Variants in PPP2R2C observed in about 807,000 individuals in gnomAD.
PPP2R2C encodes the protein protein phosphatase 2, regulatory subunit B, gamma.
PPP2R2C carries 10 observed loss-of-function variants against 45.3 expected under a neutral mutation model. That is an observed-to-expected ratio of 0.22 (90% CI 0.14 to 0.37). The LOEUF (loss-of-function observed/expected upper bound fraction) is 0.37, where lower values mean the gene tolerates loss of function less well. Ranked by LOEUF, PPP2R2C falls within the 10% of genes least tolerant of loss-of-function variation. The pLI is 1.00. For synonymous variants in PPP2R2C, 257 were observed against 245.4 expected (o/e 1.05, Z -0.44); for missense variants, 308 against 619.7 (o/e 0.50, Z 5.34).
At chr4:6,546,712 G>A (rs1018401163) in intron 1 of PPP2R2C, among the ~76,000 whole-genome samples, 1 of 152,188 alleles carries the variant, frequency 6.6e-6, no homozygotes, top group Admixed American at 6.5e-5. Context: ...CAGAAAACAG[G>A]GCTGAAGCCC....
chr4:6,353,427 C>T (rs1471723720), intron 5 of PPP2R2C, among the ~76,000 whole-genome samples: 7 of 43,424 alleles, frequency 1.6e-4, no homozygotes, highest in African/African-American at 5.0e-4. Context: ...CACCGACAGC[C>T]CCCCCACACC....
At chr4:6,418,893 G>A (rs1718780569) in intron 1 of PPP2R2C, among the ~76,000 whole-genome samples, 1 of 152,150 alleles carries the variant, frequency 6.6e-6, no homozygotes, top group South Asian at 2.1e-4. Flanking sequence ...GGAGTAAAGT[G>A]TGAAGCAGAC....
intron 1 of PPP2R2C, chr4:6,382,908 C>T (rs1715954976): frequency 2.8e-6 from 3 of 1,088,072 alleles, no homozygotes; most frequent in African/African-American, 3.4e-5. Context: ...TCCAGCGGCT[C>T]CCATTGTGTA....
At chr4:6,350,609 CG>C in intron 5 of PPP2R2C, 1 of 985,316 alleles carries the variant, frequency 1.0e-6, no homozygotes, top group Non-Finnish European at 1.2e-6. Flanking sequence ...CAGGAGGACT[CG>C]GTGGGATGAA....
chr4:6,352,813 T>G (rs1712692786), intron 5 of PPP2R2C, among the ~76,000 whole-genome samples: 1 of 147,248 alleles, frequency 6.8e-6, no homozygotes, highest in South Asian at 2.1e-4. Context: ...CCCCAGAGAC[T>G]GTGGAGTGTG....
rs530783148 is a variant in PPP2R2C, at chr4:6,330,776, G to A, written c.961-1423C>T. 6.6e-6 allele frequency among the ~76,000 whole-genome samples: 1 copy of A among 152,304 alleles called. No individual in the cohort carries two copies. Among genetic ancestry groups the A allele is most frequent in the East Asian group, 1.9e-4 (1 of 5,184 alleles). ...ACAGGAAAACAGAGTGGCACTAGGG[G>A]AAGCAGGATTGGGAGGAAGGGCCTG... On this transcript the variant is annotated intron_variant, in intron 7 of 8. Transcript: ENST00000382599. The surrounding 1 kb of genome is among the most constrained non-coding windows in gnomAD (Gnocchi z 7.0).
chr4:6,402,574 C>T (rs910963910), intron 1 of PPP2R2C, among the ~76,000 whole-genome samples: 6 of 152,170 alleles, frequency 3.9e-5, no homozygotes, highest in African/African-American at 9.7e-5. Context: ...TATGGGACCG[C>T]GCTAGGCCAG....
intron 5 of PPP2R2C, among the ~76,000 whole-genome samples, chr4:6,369,003 T>C (rs1384145505): frequency 6.6e-6 from 1 of 152,160 alleles, no homozygotes; most frequent in Non-Finnish European, 1.5e-5. Context: ...ATCCTTCTGA[T>C]GAATGAAGGG....
intron 1 of PPP2R2C, among the ~76,000 whole-genome samples, chr4:6,410,192 G>A (rs544567783): frequency 6.6e-6 from 1 of 152,354 alleles, no homozygotes; most frequent in South Asian, 2.1e-4. Context: ...ATGAAGCAGA[G>A]TGTGAGCTGT....
intron 3 of PPP2R2C, among the ~76,000 whole-genome samples, chr4:6,377,090 C>T (rs182988977): frequency 2.4e-4 from 36 of 152,312 alleles, no homozygotes; most frequent in African/African-American, 6.3e-4. Flanking sequence ...AGGTACAGGG[C>T]GAGGATAGCC....
intron 6 of PPP2R2C, 49 bp downstream of exon 6, chr4:6,347,797 G>GC: frequency 3.3e-6 from 2 of 603,152 alleles, no homozygotes; most frequent in South Asian, 2.9e-5. Flanking sequence ...CATCCCACCC[G>GC]CCCGCCTGCC....
chr4:6,502,611 G>A (rs1723096489), intron 2 of PPP2R2C, among the ~76,000 whole-genome samples: 1 of 151,506 alleles, frequency 6.6e-6, no homozygotes, highest in African/African-American at 2.4e-5. Flanking sequence ...CACCCAACCT[G>A]TGCTAGGTCC....
intron 2 of PPP2R2C, among the ~76,000 whole-genome samples, chr4:6,502,288 A>C (rs1201272973): frequency 6.6e-6 from 1 of 152,174 alleles, no homozygotes; most frequent in Admixed American, 6.5e-5. Flanking sequence ...GGGGCTTTCC[A>C]TATGCCGGGG....
chr4:6,496,802 A>C lies in PPP2R2C; in HGVS notation c.49+38469T>G, dbSNP rs535612666. Reference sequence around the variant, plus strand: ...CTTGAGCCCGGAAGGTGGAGGTTGCAGTGAGCCGAGATTGCGCCACTGCAC... The same window carrying C: ...CTTGAGCCCGGAAGGTGGAGGTTGCCGTGAGCCGAGATTGCGCCACTGCAC... On this transcript the variant is annotated intron_variant, in intron 2 of 9. Transcript: ENST00000506140. 3.5e-4 allele frequency among the ~76,000 whole-genome samples: 53 copies of C among 152,192 alleles called. 1 individual carries two copies. The South Asian group carries it at 0.011, about 32-fold the overall frequency.
intron 1 of PPP2R2C, chr4:6,384,117 A>G: frequency 1.0e-6 from 1 of 985,188 alleles, no homozygotes; most frequent in Non-Finnish European, 1.2e-6. Context: ...CTGTCCTGAC[A>G]TTGTCCCTCC....
chr4:6,331,355 G>A lies in PPP2R2C; in HGVS notation c.961-2002C>T, dbSNP rs560622149. On this transcript the variant is annotated intron_variant, in intron 7 of 8. Coordinates refer to ENST00000382599, the MANE Select transcript of PPP2R2C (RefSeq NM_020416.4). The surrounding 1 kb of genome is among the most constrained non-coding windows in gnomAD (Gnocchi z 5.9). ...AATAAAATGGGATGGGGAGAATACC[G>A]GCCCCACCTCCCAGGACAGCTGGGA... Among the ~76,000 whole-genome samples, 7 of 152,062 alleles carry A rather than the reference G, an allele frequency of 4.6e-5. No individual in the cohort carries two copies. The highest frequency in any genetic ancestry group is 1.7e-4 in the African/African-American group (7 of 41,450).
chr4:6,428,368 C>A (rs962613517), intron 1 of PPP2R2C, among the ~76,000 whole-genome samples: 1 of 152,190 alleles, frequency 6.6e-6, no homozygotes, highest in African/African-American at 2.4e-5. Context: ...GCAGGGCAAG[C>A]CTTAAGTTTC....
intron 1 of PPP2R2C, among the ~76,000 whole-genome samples, chr4:6,457,019 C>T (rs1721076902): frequency 6.6e-6 from 1 of 152,034 alleles, no homozygotes; most frequent in African/African-American, 2.4e-5. Flanking sequence ...ATCAGCTTGA[C>T]CAACATGGTT....
In PPP2R2C at chr4:6,345,891, A is replaced by G. The variant is rs1357784134; in HGVS notation, c.790+1955T>C. 1.3e-5 allele frequency among the ~76,000 whole-genome samples: 2 copies of G among 152,100 alleles called. No individual in the cohort carries two copies. Among genetic ancestry groups the G allele is most frequent in the East Asian group, 1.9e-4 (1 of 5,170 alleles). On this transcript the variant is annotated intron_variant, in intron 6 of 8. Coordinates refer to ENST00000382599, the MANE Select transcript of PPP2R2C (RefSeq NM_020416.4). This position sits in a 1 kb window ranked among gnomAD's most constrained non-coding sequence, Gnocchi z 5.3. ...AACTCCACACTTATCTCCAGGTGGC[A>G]TTACTGCCTGGATATCTGGCTGCCT...
Sources: allele counts gnomAD v4.1 joint callset (sites outside exome capture counted in the v4.1 genomes callset), GRCh38; gene constraint gnomAD v4.1.1; non-coding constraint Gnocchi (gnomAD v3.1); transcripts MANE v1.5; gene names NCBI Gene and HGNC (gene_info 2026-07-23, HGNC 2026-07-21).